Variants in COL23A1 observed in about 807,000 individuals in gnomAD.
The protein encoded by COL23A1 is collagen alpha-1(XXIII) chain.
Under a neutral mutation model 99.3 loss-of-function variants are expected in COL23A1, and 97 were observed. That is an observed-to-expected ratio of 0.98 (90% CI 0.83 to 1.16). COL23A1 has a LOEUF of 1.16. COL23A1 is among the 50% of genes most tolerant of loss of function. The probability of loss-of-function intolerance (pLI) is 0.00; values close to 1 mark genes in which losing one functional copy is unlikely to be tolerated. For missense variants in COL23A1, 762 were observed against 757.4 expected, an observed-to-expected ratio of 1.01 and a Z score of -0.07; for synonymous variants, 320 against 308.2, an observed-to-expected ratio of 1.04 and a Z score of -0.40.
chr5:178,324,259 C>T (rs1044605850), intron 2 of COL23A1, among the ~76,000 whole-genome samples: 1 of 152,148 alleles, frequency 6.6e-6, no homozygotes, highest in Non-Finnish European at 1.5e-5. Flanking sequence ...CACGCTATGC[C>T]GGGCTGGTCT....
At chr5:178,386,508 C>A (rs1763682404) in intron 2 of COL23A1, among the ~76,000 whole-genome samples, 1 of 152,042 alleles carries the variant, frequency 6.6e-6, no homozygotes, top group African/African-American at 2.4e-5. Context: ...ATCCCACCAA[C>A]CTAGCACAAA....
rs546891796 is a variant in COL23A1, at chr5:178,589,372, C to A, written c.294+532G>T. Among the ~76,000 whole-genome samples, 4 of 152,076 alleles carry A rather than the reference C, an allele frequency of 2.6e-5. No homozygotes were observed. The highest frequency in any genetic ancestry group is 5.9e-5 in the Non-Finnish European group (4 of 68,036). ...CCCGAGGCCTCAGTGCGACGGTGAC[C>A]GCTCAGTCTTGGGGCCTGAGCTGCT... is the stretch of plus-strand genomic sequence containing the variant. On this transcript the variant is annotated intron_variant, in intron 1 of 28. Transcript: ENST00000390654. This position sits in a 1 kb window ranked among gnomAD's most constrained non-coding sequence, Gnocchi z 5.4.
intron 2 of COL23A1, among the ~76,000 whole-genome samples, chr5:178,540,914 C>G (rs1175140012): frequency 6.6e-6 from 1 of 152,152 alleles, no homozygotes; most frequent in African/African-American, 2.4e-5. Flanking sequence ...GTGGACAGAA[C>G]AAGACCCTGT....
intron 2 of COL23A1, among the ~76,000 whole-genome samples, chr5:178,456,465 G>C (rs1444322688): frequency 6.6e-6 from 1 of 152,226 alleles, no homozygotes; most frequent in Non-Finnish European, 1.5e-5. Flanking sequence ...TTGAGAGGCT[G>C]AGCTGGGCGG....
At chr5:178,328,472 T>C (rs997569616) in intron 2 of COL23A1, among the ~76,000 whole-genome samples, 1 of 152,216 alleles carries the variant, frequency 6.6e-6, no homozygotes, top group Admixed American at 6.5e-5. Flanking sequence ...GACTCTTTCA[T>C]AGGCTATTCC....
chr5:178,561,436 A>C (rs262040), intron 1 of COL23A1, among the ~76,000 whole-genome samples: 4,941 of 152,296 alleles, frequency 0.032, 182 homozygotes, highest in African/African-American at 0.082. Context: ...GTCAAAAGGC[A>C]CAGCTCCCCT....
chr5:178,275,167 G>A (rs1360281114), intron 5 of COL23A1, among the ~76,000 whole-genome samples: 3 of 152,224 alleles, frequency 2.0e-5, no homozygotes, highest in East Asian at 1.9e-4. Context: ...TGAAATGCAG[G>A]TCATGCCATT....
chr5:178,447,226 T>C (rs561983163), intron 2 of COL23A1, among the ~76,000 whole-genome samples: 1 of 152,174 alleles, frequency 6.6e-6, no homozygotes, highest in South Asian at 2.1e-4. Context: ...CCCGAGTAGC[T>C]GGGATTACAG....
chr5:178,267,080 T>C (rs1475333897), intron 8 of COL23A1, among the ~76,000 whole-genome samples: 5 of 152,180 alleles, frequency 3.3e-5, no homozygotes, highest in Non-Finnish European at 7.4e-5. Flanking sequence ...GTGGTAAGCA[T>C]GGAGACCTGG....
At chr5:178,569,225 C>A (rs750127422) in intron 1 of COL23A1, among the ~76,000 whole-genome samples, 2 of 152,174 alleles carry the variant, frequency 1.3e-5, no homozygotes, top group Non-Finnish European at 2.9e-5. Flanking sequence ...AAGTCCTTTG[C>A]CCATGTTAAA....
At chr5:178,268,225 C>T (rs747700433) in intron 7 of COL23A1, among the ~76,000 whole-genome samples, 6 of 152,208 alleles carry the variant, frequency 3.9e-5, no homozygotes, top group East Asian at 3.9e-4. Flanking sequence ...CTGATTTTAC[C>T]GTGGGTAACA....
intron 2 of COL23A1, among the ~76,000 whole-genome samples, chr5:178,538,066 A>T (rs1295739584): frequency 6.6e-6 from 1 of 152,230 alleles, no homozygotes; most frequent in African/African-American, 2.4e-5. Flanking sequence ...GCTGAATCGT[A>T]TGCTATTGTA....
chr5:178,270,818 A>C (rs977601842), intron 5 of COL23A1, among the ~76,000 whole-genome samples: 3 of 152,196 alleles, frequency 2.0e-5, no homozygotes, highest in Non-Finnish European at 4.4e-5. Flanking sequence ...AACAGGGAGG[A>C]AAGCAGAGCT....
chr5:178,383,880 GA>G (rs34212112), intron 2 of COL23A1, among the ~76,000 whole-genome samples: 4,553 of 98,540 alleles, frequency 0.046, 195 homozygotes, highest in African/African-American at 0.14. Context: ...GACAGAAATA[GA>G]AAAAAAAAAA....
At chr5:178,241,049 T>C (rs890811) in intron 27 of COL23A1, among the ~76,000 whole-genome samples, 54,007 of 151,922 alleles carry the variant, frequency 0.36, 11,447 homozygotes, top group South Asian at 0.5. Flanking sequence ...CTGGACGACA[T>C]TGCAAGACCC....
chr5:178,292,898 A>G (rs1392302396), intron 3 of COL23A1, among the ~76,000 whole-genome samples: 1 of 152,148 alleles, frequency 6.6e-6, no homozygotes, highest in East Asian at 1.9e-4. Flanking sequence ...CAAAGTAGAG[A>G]AAGTGTCTCA....
intron 2 of COL23A1, among the ~76,000 whole-genome samples, chr5:178,516,013 TG>T (rs1759486752): frequency 6.6e-6 from 1 of 152,196 alleles, no homozygotes; most frequent in South Asian, 2.1e-4. Context: ...TTTCTCTTTT[TG>T]TGTCTCTTTC....
chr5:178,238,821 C>T, intron 28 of COL23A1, 121 bp from the exon 29 acceptor site: 2 of 1,335,406 alleles, frequency 1.5e-6, no homozygotes, highest in Non-Finnish European at 2.2e-6. Context: ...TCCCCCCACT[C>T]CCTCTCAGTG....
chr5:178,524,980 A>G (rs1003369376), intron 2 of COL23A1, among the ~76,000 whole-genome samples: 3 of 152,206 alleles, frequency 2.0e-5, no homozygotes, highest in African/African-American at 7.2e-5. Flanking sequence ...TCATTTTAAG[A>G]TGAAGAAAGA....
Sources: gnomAD v4.1 joint callset for allele counts (sites outside exome capture counted in the v4.1 genomes callset) on GRCh38, gnomAD v4.1.1 for gene constraint, Gnocchi (gnomAD v3.1) non-coding constraint, MANE v1.5 for transcripts, NCBI Gene and HGNC (gene_info 2026-07-23, HGNC 2026-07-21) for gene names.